The following PCDH15 variants were observed in gnomAD, a reference collection of about 807,000 sequenced individuals.
The protein encoded by PCDH15 is protocadherin-15.
A neutral mutation model predicts 178.5 loss-of-function variants in PCDH15; 129 were observed. That is an observed-to-expected ratio of 0.72 (90% CI 0.63 to 0.84). The LOEUF (loss-of-function observed/expected upper bound fraction) is 0.84. Ranked by LOEUF, PCDH15 falls within the 40% of genes least tolerant of loss-of-function variation. The pLI is 0.00. For synonymous variants in PCDH15, 800 were observed against 732.0 expected (o/e 1.09, Z -1.50); for missense variants, 2,230 against 2,099.9 (o/e 1.06, Z -1.21).
intron 22 of PCDH15, 33 bp downstream of exon 22, chr10:53,961,719 C>A (rs370407501): frequency 3.2e-5 from 49 of 1,537,326 alleles, no homozygotes; most frequent in Non-Finnish European, 4.1e-5. Flanking sequence ...AATTAAACAT[C>A]AAATAGACCA....
intron 2 of PCDH15, among the ~76,000 whole-genome samples, chr10:55,060,174 T>C (rs1362605666): frequency 1.3e-5 from 2 of 152,074 alleles, no homozygotes; most frequent in Non-Finnish European, 2.9e-5. Context: ...TTCAATTTTC[T>C]CACCTATTAC....
chr10:55,315,815 A>T (rs534837037), intron 1 of PCDH15, among the ~76,000 whole-genome samples: 1 of 152,248 alleles, frequency 6.6e-6, no homozygotes, highest in East Asian at 1.9e-4. Context: ...CAGAAGTTCA[A>T]GACCATACTG....
chr10:54,795,515 G>C (rs1233025700), intron 1 of PCDH15, among the ~76,000 whole-genome samples: 2 of 151,768 alleles, frequency 1.3e-5, no homozygotes, highest in East Asian at 3.9e-4. Context: ...CATCATTTCA[G>C]CTTTTCCATA....
chr10:54,485,859 A>C (rs2137012682), intron 3 of PCDH15, among the ~76,000 whole-genome samples: 1 of 152,204 alleles, frequency 6.6e-6, no homozygotes, highest in African/African-American at 2.4e-5. Context: ...GGCAACAAAG[A>C]ACTTGAATAA....
At position 54,099,513 on chromosome 10, in the gene PCDH15, A is replaced by AAAAAAAATAT. The variant is rs1347306483; in HGVS notation, c.1918-9451_1918-9450insATATTTTTTT. Among the ~76,000 whole-genome samples the AAAAAAAATAT allele has an allele frequency of 5.2e-3, 615 of 117,570 alleles. 4 individuals carry two copies. Among genetic ancestry groups the AAAAAAAATAT allele is most frequent in the Admixed American group, 6.0e-3 (67 of 11,202 alleles). 77.1% of individuals were successfully genotyped at this position (117,570 alleles called of 152,430 possible). ...GACTCCATCTCAAAAAAAAAAAAAA[A>AAAAAAAATAT]ATATATATATATATATATAAAACAA... On this transcript the variant is annotated intron_variant, in intron 15 of 37. Coordinates refer to ENST00000644397, the MANE Select transcript of PCDH15 (RefSeq NM_001384140.1).
chr10:55,008,620 A>C (rs1839983502), intron 2 of PCDH15, among the ~76,000 whole-genome samples: 1 of 152,094 alleles, frequency 6.6e-6, no homozygotes, highest in South Asian at 2.1e-4. Context: ...AAAGTCATTA[A>C]AAATGTCATC....
intron 25 of PCDH15, among the ~76,000 whole-genome samples, chr10:53,932,278 C>T (rs1208273200): frequency 6.6e-6 from 1 of 152,204 alleles, no homozygotes; most frequent in Admixed American, 6.5e-5. Flanking sequence ...AACTGGCATT[C>T]ACCTGTGTCC....
chr10:54,618,059 ATTC>A (rs1214229541), intron 2 of PCDH15, among the ~76,000 whole-genome samples: 1 of 152,062 alleles, frequency 6.6e-6, no homozygotes, highest in Non-Finnish European at 1.5e-5. Context: ...AGCCTGGGGA[ATTC>A]TTCTATAAAT....
intron 2 of PCDH15, among the ~76,000 whole-genome samples, chr10:55,513,414 C>T (rs1245235591): frequency 1.3e-5 from 2 of 151,994 alleles, no homozygotes; most frequent in African/African-American, 2.4e-5. Context: ...TTTTGCTTAT[C>T]TACCTTTCTT....
intron 8 of PCDH15, among the ~76,000 whole-genome samples, chr10:54,282,317 AGAG>A (rs1055030399): frequency 1.3e-5 from 2 of 152,054 alleles, no homozygotes; most frequent in African/African-American, 4.8e-5. Context: ...ACACTGGAAA[AGAG>A]GAGAGAAAAA....
At chr10:55,187,083 AT>A (rs1312593560) in intron 1 of PCDH15, among the ~76,000 whole-genome samples, 2 of 151,906 alleles carry the variant, frequency 1.3e-5, no homozygotes, top group African/African-American at 4.8e-5. Context: ...TTCCTCTTTT[AT>A]AACAAATATT....
intron 3 of PCDH15, among the ~76,000 whole-genome samples, chr10:54,881,353 C>G (rs930652318): frequency 6.6e-6 from 1 of 151,980 alleles, no homozygotes; most frequent in Admixed American, 6.6e-5. Context: ...AACAAGGTCT[C>G]TATAGAGTTT....
At chr10:55,471,337 G>C (rs183550524) in intron 2 of PCDH15, among the ~76,000 whole-genome samples, 1 of 152,166 alleles carries the variant, frequency 6.6e-6, no homozygotes, top group East Asian at 1.9e-4. Context: ...TTTTTATTAA[G>C]AACCAACATT....
chr10:54,261,629 T>C (rs1327567713), intron 8 of PCDH15, among the ~76,000 whole-genome samples: 2 of 150,368 alleles, frequency 1.3e-5, no homozygotes, highest in Non-Finnish European at 3.0e-5. Context: ...GCAAGATACA[T>C]TAAAATGTGT....
chr10:55,305,214 T>C (rs1843389459), intron 1 of PCDH15, among the ~76,000 whole-genome samples: 1 of 152,094 alleles, frequency 6.6e-6, no homozygotes, highest in Non-Finnish European at 1.5e-5. Context: ...GAACAAGGAG[T>C]CAAAACTTTG....
At chr10:55,193,350 TATC>T (rs1267252343) in intron 1 of PCDH15, among the ~76,000 whole-genome samples, 1 of 152,034 alleles carries the variant, frequency 6.6e-6, no homozygotes, top group African/African-American at 2.4e-5. Flanking sequence ...CCAGCTGTTG[TATC>T]ATAAACACTG....
intron 1 of PCDH15, among the ~76,000 whole-genome samples, chr10:55,242,830 ACT>A (rs1422385495): frequency 1.3e-5 from 2 of 152,120 alleles, no homozygotes; most frequent in African/African-American, 2.4e-5. Context: ...ACAGAGCGAA[ACT>A]CTGTCTCAAA....
chr10:54,803,163 TGTAAAGTC>T (rs1339891788), upstream of PCDH15, among the ~76,000 whole-genome samples: 1 of 152,180 alleles, frequency 6.6e-6, no homozygotes, highest in Admixed American at 6.5e-5. Flanking sequence ...TCCCCTGCAT[TGTAAAGTC>T]CACTTGAATC....
At chr10:54,643,387 GAT>G (rs1234796927) in intron 2 of PCDH15, among the ~76,000 whole-genome samples, 2 of 152,170 alleles carry the variant, frequency 1.3e-5, no homozygotes, top group East Asian at 1.9e-4. Context: ...TGAAAGCAAA[GAT>G]ATGTTTTCTT....
Sources: gnomAD v4.1 joint callset for allele counts (sites outside exome capture counted in the v4.1 genomes callset) on GRCh38, gnomAD v4.1.1 for gene constraint, MANE v1.5 for transcripts, NCBI Gene and HGNC (gene_info 2026-07-23, HGNC 2026-07-21) for gene names.